The following CCDC85A variants were observed in gnomAD, a reference collection of about 807,000 sequenced individuals.
CCDC85A encodes coiled-coil domain-containing protein 85A.
CCDC85A carries 38 observed loss-of-function variants against 50.2 expected under a neutral mutation model. That is an observed-to-expected ratio of 0.76 (90% CI 0.58 to 0.99). The LOEUF (loss-of-function observed/expected upper bound fraction) is 0.99. CCDC85A is among the 50% of genes least tolerant of loss of function. The pLI is 0.00. For synonymous variants in CCDC85A, 366 were observed against 301.4 expected (o/e 1.21, Z -2.22); for missense variants, 820 against 742.0 (o/e 1.11, Z -1.22).
At chr2:56,321,831 C>T (rs879076486) in intron 2 of CCDC85A, among the ~76,000 whole-genome samples, 1 of 152,106 alleles carries the variant, frequency 6.6e-6, no homozygotes, top group African/African-American at 2.4e-5. Flanking sequence ...GCCCGCATTG[C>T]CAAGATAATC....
At chr2:56,259,626 G>T (rs1573118489) in intron 2 of CCDC85A, among the ~76,000 whole-genome samples, 1 of 152,270 alleles carries the variant, frequency 6.6e-6, no homozygotes, top group East Asian at 1.9e-4. Context: ...ACTTCAGCTA[G>T]TGTTTCTCTT....
chr2:56,202,627 C>A (rs1457145723), intron 2 of CCDC85A, among the ~76,000 whole-genome samples: 1 of 152,228 alleles, frequency 6.6e-6, no homozygotes, highest in Non-Finnish European at 1.5e-5. Flanking sequence ...ACTCAGCTAA[C>A]TGCAAACAAA....
At chr2:56,278,126 G>A (rs1671042432) in intron 2 of CCDC85A, among the ~76,000 whole-genome samples, 1 of 152,170 alleles carries the variant, frequency 6.6e-6, no homozygotes, top group African/African-American at 2.4e-5. Context: ...CGGTATAGAA[G>A]TGTCATTAGA....
At chr2:56,378,316 G>A (rs1439981893) in intron 5 of CCDC85A, among the ~76,000 whole-genome samples, 1 of 152,126 alleles carries the variant, frequency 6.6e-6, no homozygotes, top group Non-Finnish European at 1.5e-5. Context: ...TGTGGGAAAT[G>A]TAAAGCACTG....
At chr2:56,368,900 C>T (rs1006936996) in intron 3 of CCDC85A, among the ~76,000 whole-genome samples, 8 of 151,642 alleles carry the variant, frequency 5.3e-5, no homozygotes, top group East Asian at 1.9e-4. Context: ...ATTTTTCTGG[C>T]GTGCAAACAA....
intron 2 of CCDC85A, among the ~76,000 whole-genome samples, chr2:56,285,106 T>A (rs1443614272): frequency 6.6e-6 from 1 of 151,894 alleles, no homozygotes; most frequent in Non-Finnish European, 1.5e-5. Context: ...TCTTTCTTTT[T>A]TTTTTTTCTC....
At chr2:56,348,699 A>G (rs981318404) in intron 3 of CCDC85A, among the ~76,000 whole-genome samples, 32 of 152,272 alleles carry the variant, frequency 2.1e-4, no homozygotes, top group African/African-American at 7.7e-4. Flanking sequence ...CAGGTCCAGC[A>G]TCACATCTCT....
intron 2 of CCDC85A, among the ~76,000 whole-genome samples, chr2:56,288,978 T>G (rs147962706): frequency 5.3e-4 from 80 of 152,310 alleles, no homozygotes; most frequent in African/African-American, 1.7e-3. Context: ...TTCACTAACA[T>G]GGCAGTAAGA....
chr2:56,329,817 A>T (rs1476615402), intron 2 of CCDC85A, among the ~76,000 whole-genome samples: 1 of 152,132 alleles, frequency 6.6e-6, no homozygotes, highest in Non-Finnish European at 1.5e-5. Flanking sequence ...AGTATAACTA[A>T]AAAGCCAACC....
intron 2 of CCDC85A, among the ~76,000 whole-genome samples, chr2:56,279,198 A>T (rs548631943): frequency 6.6e-6 from 1 of 152,230 alleles, no homozygotes; most frequent in South Asian, 2.1e-4. Flanking sequence ...TTATCTTCTC[A>T]AGGTCTTTGG....
chr2:56,212,466 C>A (rs1301284179), intron 2 of CCDC85A, among the ~76,000 whole-genome samples: 2 of 151,978 alleles, frequency 1.3e-5, no homozygotes, highest in Middle Eastern at 3.4e-3. Context: ...GAGAGAGGAC[C>A]CTTTGGCTTT....
intron 2 of CCDC85A, among the ~76,000 whole-genome samples, chr2:56,333,225 G>A (rs192783279): frequency 6.6e-6 from 1 of 152,230 alleles, no homozygotes; most frequent in Non-Finnish European, 1.5e-5. Context: ...CAGGTGGCAG[G>A]ATCAAATGAG....
intron 2 of CCDC85A, among the ~76,000 whole-genome samples, chr2:56,340,306 AG>A (rs1364631904): frequency 6.6e-6 from 1 of 152,218 alleles, no homozygotes; most frequent in Non-Finnish European, 1.5e-5. Context: ...AATTCAGATC[AG>A]GGCATCAATA....
chr2:56,303,020 G>A (rs1200649095), intron 2 of CCDC85A, among the ~76,000 whole-genome samples: 1 of 152,158 alleles, frequency 6.6e-6, no homozygotes, highest in African/African-American at 2.4e-5. Flanking sequence ...GGTCGAGCCA[G>A]GTTTCTGGAT....
chr2:56,194,489 G>C (rs1011016054), intron 2 of CCDC85A, among the ~76,000 whole-genome samples: 1 of 152,190 alleles, frequency 6.6e-6, no homozygotes. Flanking sequence ...TGCTTTATTT[G>C]GAAGGTGCTC....
chr2:56,264,506 G>A (rs1670353848), intron 2 of CCDC85A, among the ~76,000 whole-genome samples: 1 of 152,056 alleles, frequency 6.6e-6, no homozygotes, highest in Non-Finnish European at 1.5e-5. Context: ...AACATATCCA[G>A]AATCCATTCA....
chr2:56,236,879 A>T (rs764984746), intron 2 of CCDC85A, among the ~76,000 whole-genome samples: 1 of 152,134 alleles, frequency 6.6e-6, no homozygotes, highest in Non-Finnish European at 1.5e-5. Flanking sequence ...CTGAGTTACC[A>T]AAAAGGTATT....
chr2:56,305,114 A>AAAT (rs1553408855), intron 2 of CCDC85A, among the ~76,000 whole-genome samples: 4 of 151,822 alleles, frequency 2.6e-5, no homozygotes, highest in African/African-American at 9.7e-5. Flanking sequence ...AAAAAAAAAA[A>AAAT]ATATAGGATA....
chr2:56,252,469 G>T (rs996911483), intron 2 of CCDC85A, among the ~76,000 whole-genome samples: 5 of 152,092 alleles, frequency 3.3e-5, no homozygotes, highest in Admixed American at 3.3e-4. Context: ...ATCAAATAAC[G>T]TAAAATTGCA....
Sources: gnomAD v4.1 joint callset for allele counts (sites outside exome capture counted in the v4.1 genomes callset) on GRCh38, gnomAD v4.1.1 for gene constraint, MANE v1.5 for transcripts, NCBI Gene and HGNC (gene_info 2026-07-23, HGNC 2026-07-21) for gene names.